Variants in AUTS2 observed in about 807,000 individuals in gnomAD.
AUTS2 encodes activator of transcription and developmental regulator AUTS2, also known as autism susceptibility gene 2 protein.
A neutral mutation model predicts 112.4 loss-of-function variants in AUTS2; 17 were observed. The ratio of observed to expected loss-of-function variants is 0.15; its 90% CI spans 0.10 to 0.23. The LOEUF is 0.23. Among genes scored for constraint, AUTS2 ranks in the 10% least tolerant of loss-of-function variants. The probability of loss-of-function intolerance (pLI) is 1.00; values close to 1 mark genes in which losing one functional copy is unlikely to be tolerated. For synonymous variants in AUTS2, 751 were observed against 702.7 expected, an observed-to-expected ratio of 1.07 and a Z score of -1.09; for missense variants, 1,510 against 1,701.6, an observed-to-expected ratio of 0.89 and a Z score of 1.98.
intron 5 of AUTS2, among the ~76,000 whole-genome samples, chr7:70,691,474 A>G (rs1248333155): frequency 2.0e-5 from 3 of 151,486 alleles, no homozygotes; most frequent in Non-Finnish European, 2.9e-5. Context: ...ACCTGGATTC[A>G]GTCCCTAATA....
chr7:70,563,233 AACT>A (rs1801563006), intron 5 of AUTS2, among the ~76,000 whole-genome samples: 1 of 152,184 alleles, frequency 6.6e-6, no homozygotes, highest in African/African-American at 2.4e-5. Flanking sequence ...TCCCTGGTAT[AACT>A]GGGGGTCCTC....
intron 3 of AUTS2, among the ~76,000 whole-genome samples, chr7:70,123,305 TA>T (rs1018964824): frequency 2.0e-5 from 3 of 152,212 alleles, no homozygotes; most frequent in Non-Finnish European, 4.4e-5. Context: ...ACAATTAATT[TA>T]TTTTTTTACT....
intron 1 of AUTS2, among the ~76,000 whole-genome samples, chr7:69,834,039 G>A (rs1002197131): frequency 1.3e-5 from 2 of 152,114 alleles, no homozygotes; most frequent in Admixed American, 6.5e-5. Flanking sequence ...GAACCACTGC[G>A]ATAGGCCTTG....
At chr7:70,700,445 CT>C (rs1032236122) in intron 6 of AUTS2, among the ~76,000 whole-genome samples, 7 of 152,130 alleles carry the variant, frequency 4.6e-5, no homozygotes, top group African/African-American at 1.7e-4. Flanking sequence ...TCAAAATGGC[CT>C]TTCTTTTCTC....
At chr7:69,714,052 T>C (rs899705924) in intron 1 of AUTS2, among the ~76,000 whole-genome samples, 9 of 152,004 alleles carry the variant, frequency 5.9e-5, no homozygotes, top group Admixed American at 2.6e-4. Context: ...TTAATTTTTG[T>C]ATATGGATTG....
At chr7:70,787,003 G>GA (rs59473239) in intron 17 of AUTS2, 4,447 of 563,876 alleles carry the variant, frequency 7.9e-3, no homozygotes, top group East Asian at 0.011. Flanking sequence ...GTTTTAAAAA[G>GA]AAAAAAAAAA....
intron 5 of AUTS2, among the ~76,000 whole-genome samples, chr7:70,444,373 T>TGTGTGTGTGTGTGTGA (rs372696006): frequency 7.0e-6 from 1 of 142,440 alleles, no homozygotes; most frequent in African/African-American, 2.7e-5. Context: ...TGTGTGTGTG[T>TGTGTGTGTGTGTGTGA]GAGAGAGAGA....
intron 5 of AUTS2, among the ~76,000 whole-genome samples, chr7:70,522,573 G>A (rs11762485): frequency 0.24 from 36,095 of 152,106 alleles, 4,412 homozygotes; most frequent in Middle Eastern, 0.35. Flanking sequence ...TTCTGTTCCT[G>A]TATTAATTTG....
chr7:69,769,940 C>T (rs1336981282), intron 1 of AUTS2, among the ~76,000 whole-genome samples: 1 of 152,178 alleles, frequency 6.6e-6, no homozygotes, highest in Non-Finnish European at 1.5e-5. Flanking sequence ...CAGTATATAT[C>T]AGGTTGCTTT....
At chr7:69,719,657 G>A (rs543205875) in intron 1 of AUTS2, among the ~76,000 whole-genome samples, 64 of 152,302 alleles carry the variant, frequency 4.2e-4, no homozygotes, top group African/African-American at 1.3e-3. Context: ...AAGTCTTCAA[G>A]CTCAGAATTC....
intron 1 of AUTS2, among the ~76,000 whole-genome samples, chr7:69,762,438 C>T (rs1788232021): frequency 6.6e-6 from 1 of 151,690 alleles, no homozygotes; most frequent in Admixed American, 6.6e-5. Flanking sequence ...TCCCAGGTAG[C>T]TGGGACCACA....
At position 70,062,328 on chromosome 7, in the gene AUTS2, C is replaced by T. The variant is rs141349247; in HGVS notation, c.523-55804C>T. On this transcript the variant is annotated intron_variant, in intron 2 of 18. Transcript: ENST00000342771. ...GATCAAGAACATCCTGGCCAACCAA[C>T]GTGATGAAACCCTGTCTCTACTAAA... Among the ~76,000 whole-genome samples, 1,483 of 151,788 alleles carry T rather than the reference C, an allele frequency of 9.8e-3. 12 individuals are homozygous for T. The highest frequency in any genetic ancestry group is 0.02 in the Middle Eastern group (6 of 294).
chr7:70,301,674 C>A (rs1056662592), intron 4 of AUTS2, among the ~76,000 whole-genome samples: 36 of 152,094 alleles, frequency 2.4e-4, no homozygotes, highest in African/African-American at 8.7e-4. Context: ...ATGTAGGCTG[C>A]AATTTTTTAA....
intron 1 of AUTS2, among the ~76,000 whole-genome samples, chr7:69,801,582 A>G (rs1584265909): frequency 6.6e-6 from 1 of 151,904 alleles, no homozygotes; most frequent in Non-Finnish European, 1.5e-5. Flanking sequence ...ATAATAAAAG[A>G]CATTACTCTC....
rs534858927 is a variant in AUTS2 at position 70,632,574 on chromosome 7, G to A, written c.691-65995G>A. On this transcript the variant is annotated intron_variant, in intron 5 of 18. Coordinates refer to ENST00000342771, the MANE Select transcript of AUTS2 (RefSeq NM_015570.4). ...CCACGCAGGTTTCTGTGAATCTGAG[G>A]TTCTAACTCCCTGCTGCCACTCTCT... Among the ~76,000 whole-genome samples, 6 of 151,908 alleles carry A rather than the reference G, an allele frequency of 3.9e-5. No individual in the cohort carries two copies. The South Asian group carries it at 1.2e-3, about 32-fold the overall frequency.
intron 1 of AUTS2, among the ~76,000 whole-genome samples, chr7:69,857,641 G>T (rs891663455): frequency 6.6e-6 from 1 of 152,140 alleles, no homozygotes; most frequent in African/African-American, 2.4e-5. Flanking sequence ...CAGCCTCTAA[G>T]TGTACGTTGT....
intron 4 of AUTS2, among the ~76,000 whole-genome samples, chr7:70,285,702 T>G (rs927290495): frequency 6.6e-6 from 1 of 152,230 alleles, no homozygotes; most frequent in Non-Finnish European, 1.5e-5. Context: ...TACTTAATAT[T>G]GATAGTTATC....
chr7:70,701,397 TAACAA>T (rs1809450981), intron 6 of AUTS2, among the ~76,000 whole-genome samples: 1 of 152,184 alleles, frequency 6.6e-6, no homozygotes, highest in African/African-American at 2.4e-5. Flanking sequence ...TTTTCAATCA[TAACAA>T]AACCTATTCC....
chr7:70,499,151 G>A lies in AUTS2; in HGVS notation c.690+63370G>A, dbSNP rs550342705. 3.3e-5 allele frequency among the ~76,000 whole-genome samples: 5 copies of A among 152,294 alleles called. No individual in the cohort carries two copies. The East Asian group carries it at 9.6e-4, about 29-fold the overall frequency. ...GCTCTCGGGATGCTTACAGTCTCAC[G>A]GAAGGTGAATGCACAACTGTGGTTC... On this transcript the variant is annotated intron_variant, in intron 5 of 18. Transcript: ENST00000342771.
Sources: gnomAD v4.1 joint callset for allele counts (sites outside exome capture counted in the v4.1 genomes callset) on GRCh38, gnomAD v4.1.1 for gene constraint, MANE v1.5 for transcripts, NCBI Gene and HGNC (gene_info 2026-07-23, HGNC 2026-07-21) for gene names.